Variants in GULP1 observed in about 807,000 individuals in gnomAD.
GULP1 encodes PTB domain-containing engulfment adapter protein 1.
Under a neutral mutation model 40.9 loss-of-function variants are expected in GULP1, and 19 were observed. The observed-to-expected ratio is 0.46, with a 90% CI of 0.32 to 0.68. GULP1 has a LOEUF of 0.68. Ranked by LOEUF, GULP1 falls within the 30% of genes least tolerant of loss-of-function variation. The pLI, the probability that GULP1 is intolerant of heterozygous loss-of-function variation, is 0.03. For synonymous variants in GULP1, 119 were observed against 117.6 expected (o/e 1.01, Z -0.08); for missense variants, 312 against 362.2 (o/e 0.86, Z 1.12).
chr2:188,312,360 A>C (rs887677305), intron 1 of GULP1, among the ~76,000 whole-genome samples: 2 of 151,910 alleles, frequency 1.3e-5, no homozygotes, highest in Non-Finnish European at 2.9e-5. Context: ...CTCTGTGTCC[A>C]TTGTTCAACT....
At chr2:188,580,960 C>T (rs1158492056) in intron 9 of GULP1, among the ~76,000 whole-genome samples, 2 of 152,190 alleles carry the variant, frequency 1.3e-5, no homozygotes, top group Admixed American at 6.5e-5. Flanking sequence ...CGAGCGTAGG[C>T]AGTTACAAAG....
intron 2 of GULP1, among the ~76,000 whole-genome samples, chr2:188,399,134 T>G (rs1006903185): frequency 1.3e-5 from 2 of 152,196 alleles, no homozygotes; most frequent in Non-Finnish European, 2.9e-5. Flanking sequence ...AGAAACTAGT[T>G]CTGTCTGTTT....
At chr2:188,555,902 T>TA (rs59438244) in intron 7 of GULP1, among the ~76,000 whole-genome samples, 143,298 of 151,848 alleles carry the variant, frequency 0.94, 67,984 homozygotes, top group South Asian at 1. Context: ...CTACTGAAAA[T>TA]CAAAAATTAG....
chr2:188,346,967 C>T (rs889951752), intron 1 of GULP1, among the ~76,000 whole-genome samples: 2 of 140,282 alleles, frequency 1.4e-5, no homozygotes, highest in African/African-American at 2.5e-5. Flanking sequence ...AAGACTCCGT[C>T]TCAAAAAAAA....
intron 9 of GULP1, among the ~76,000 whole-genome samples, chr2:188,570,416 T>C (rs994655495): frequency 6.6e-6 from 1 of 152,204 alleles, no homozygotes; most frequent in Non-Finnish European, 1.5e-5. Flanking sequence ...CATATTCTTC[T>C]TTTGTTTCTA....
intron 4 of GULP1, among the ~76,000 whole-genome samples, chr2:188,505,144 T>C (rs940981221): frequency 2.6e-5 from 4 of 151,790 alleles, no homozygotes; most frequent in Admixed American, 6.6e-5. Flanking sequence ...ACCCTTTGTC[T>C]TAAACCTCTC....
intron 1 of GULP1, among the ~76,000 whole-genome samples, chr2:188,331,315 A>G (rs1248415336): frequency 6.6e-6 from 1 of 152,172 alleles, no homozygotes; most frequent in Non-Finnish European, 1.5e-5. Flanking sequence ...GGGGCTCATC[A>G]ACTGGGATGG....
At chr2:188,335,598 T>C (rs1422609496) in intron 1 of GULP1, among the ~76,000 whole-genome samples, 1 of 152,180 alleles carries the variant, frequency 6.6e-6, no homozygotes, top group Non-Finnish European at 1.5e-5. Context: ...GTTTCTGTCA[T>C]TAACTAATAA....
chr2:188,536,047 T>C (rs1375204478), intron 6 of GULP1, among the ~76,000 whole-genome samples: 3 of 152,106 alleles, frequency 2.0e-5, no homozygotes, highest in African/African-American at 7.2e-5. Flanking sequence ...TGGTTATTTG[T>C]TTTTTGTTGG....
chr2:188,337,096 CTATA>C (rs2042362292), intron 1 of GULP1, among the ~76,000 whole-genome samples: 2 of 35,646 alleles, frequency 5.6e-5, no homozygotes, highest in Non-Finnish European at 7.6e-5. Flanking sequence ...GTATCTATAT[CTATA>C]TCTATATCTA....
intron 1 of GULP1, among the ~76,000 whole-genome samples, chr2:188,298,712 T>C (rs1468689243): frequency 6.6e-6 from 1 of 152,188 alleles, no homozygotes; most frequent in Non-Finnish European, 1.5e-5. Context: ...ATCTGAGTTA[T>C]CATAGGTTTA....
chr2:188,361,569 G>GA (rs929231230), intron 1 of GULP1, among the ~76,000 whole-genome samples: 5 of 152,146 alleles, frequency 3.3e-5, no homozygotes, highest in African/African-American at 1.2e-4. Flanking sequence ...CATCATTACA[G>GA]AAAAAATATG....
At chr2:188,460,670 A>C (rs2059628956) in intron 2 of GULP1, among the ~76,000 whole-genome samples, 1 of 152,158 alleles carries the variant, frequency 6.6e-6, no homozygotes, top group Non-Finnish European at 1.5e-5. Context: ...TTCTCCAGCT[A>C]GGACTTCCAG....
intron 4 of GULP1, among the ~76,000 whole-genome samples, chr2:188,510,511 T>TTA (rs1475616676): frequency 6.6e-6 from 1 of 152,080 alleles, no homozygotes; most frequent in Non-Finnish European, 1.5e-5. Context: ...TAAACATTCC[T>TTA]TATATAGCAA....
At chr2:188,471,680 A>G (rs557282420) in intron 2 of GULP1, among the ~76,000 whole-genome samples, 5 of 152,320 alleles carry the variant, frequency 3.3e-5, no homozygotes, top group South Asian at 2.1e-4. Flanking sequence ...CATCTTAACT[A>G]TGTCCCTGCT....
At chr2:188,437,954 A>C (rs942883270) in intron 2 of GULP1, among the ~76,000 whole-genome samples, 8 of 152,114 alleles carry the variant, frequency 5.3e-5, no homozygotes, top group Non-Finnish European at 1.0e-4. Flanking sequence ...GAGGATCAGA[A>C]AAAATACCTG....
intron 7 of GULP1, among the ~76,000 whole-genome samples, chr2:188,550,139 T>G (rs912767637): frequency 6.6e-6 from 1 of 151,706 alleles, no homozygotes; most frequent in Non-Finnish European, 1.5e-5. Context: ...CACAGCTGAG[T>G]GTAAATCTAA....
At chr2:188,589,870 G>A (rs1346558771) in intron 11 of GULP1, 2 of 465,594 alleles carry the variant, frequency 4.3e-6, no homozygotes, top group Middle Eastern at 5.4e-4. Flanking sequence ...GGGTATATCT[G>A]ATAATTAGTT....
chr2:188,480,539 TG>T (rs532928854), intron 3 of GULP1, among the ~76,000 whole-genome samples: 44 of 151,946 alleles, frequency 2.9e-4, no homozygotes, highest in Non-Finnish European at 4.7e-4. Context: ...GATGCTCTAA[TG>T]GTGTTAGAGT....
Sources: allele counts gnomAD v4.1 joint callset (sites outside exome capture counted in the v4.1 genomes callset), GRCh38; gene constraint gnomAD v4.1.1; transcripts MANE v1.5; gene names NCBI Gene and HGNC (gene_info 2026-07-23, HGNC 2026-07-21).